CXXC5: variants seen among roughly 807,000 people sequenced by gnomAD.
CXXC5 encodes the protein CXXC-type zinc finger protein 5.
Under a neutral mutation model 17.6 loss-of-function variants are expected in CXXC5, and 2 were observed. The ratio of observed to expected loss-of-function variants is 0.11; its 90% CI spans 0.05 to 0.36. The LOEUF (loss-of-function observed/expected upper bound fraction) is 0.36. CXXC5 is among the 10% of genes least tolerant of loss of function. The pLI is 1.00. For synonymous variants in CXXC5, 171 were observed against 193.0 expected, an observed-to-expected ratio of 0.89 and a Z score of 0.94; for missense variants, 343 against 458.3, an observed-to-expected ratio of 0.75 and a Z score of 2.30.
chr5:139,662,898 T>C (rs766267011), intron 1 of CXXC5, among the ~76,000 whole-genome samples: 1 of 152,222 alleles, frequency 6.6e-6, no homozygotes, highest in Non-Finnish European at 1.5e-5. Context: ...CCGCAGGACC[T>C]GAAGTAGATG....
chr5:139,670,207 C>T lies in CXXC5; in HGVS notation c.-160-10157C>T, dbSNP rs1045001505. Reference sequence around the variant, plus strand: ...CAGCCTCCCGCCTCTCGCCTGCCTCCCCCACGCCTCTGCAGGGAGGGCCTG... The same window carrying T: ...CAGCCTCCCGCCTCTCGCCTGCCTCTCCCACGCCTCTGCAGGGAGGGCCTG... On this transcript the variant is annotated intron_variant, in intron 1 of 2. Coordinates refer to ENST00000302517, the MANE Select transcript of CXXC5 (RefSeq NM_016463.9). This position sits in a 1 kb window ranked among gnomAD's most constrained non-coding sequence, Gnocchi z 4.2. Among the ~76,000 whole-genome samples, 9 of 152,232 alleles carry T rather than the reference C, an allele frequency of 5.9e-5. No homozygotes were observed. The highest frequency in any genetic ancestry group is 1.9e-4 in the African/African-American group (8 of 41,444).
intron 1 of CXXC5, among the ~76,000 whole-genome samples, chr5:139,652,163 C>CGTGTGTGTGT (rs1326798150): frequency 2.4e-4 from 34 of 139,896 alleles, no homozygotes; most frequent in Middle Eastern, 3.7e-3. Flanking sequence ...CGCGCGCGCG[C>CGTGTGTGTGT]GCGCGCGCGT....
intron 1 of CXXC5, chr5:139,651,280 G>T (rs1755161399): frequency 6.6e-6 from 1 of 152,298 alleles, no homozygotes; most frequent in Non-Finnish European, 1.5e-5. Flanking sequence ...CCCTGGCCAG[G>T]GCCTCCTATC....
chr5:139,678,080 A>G (rs1235521207), intron 1 of CXXC5, among the ~76,000 whole-genome samples: 2 of 152,128 alleles, frequency 1.3e-5, no homozygotes. Context: ...CCCACAAGAC[A>G]CCTGCCTTCT....
chr5:139,657,129 C>G (rs1755534542), intron 1 of CXXC5, among the ~76,000 whole-genome samples: 1 of 152,218 alleles, frequency 6.6e-6, no homozygotes. Context: ...CTGACTTTCA[C>G]TTTTTTTCAT....
At chr5:139,676,110 C>A in intron 1 of CXXC5, among the ~76,000 whole-genome samples, 1 of 151,096 alleles carries the variant, frequency 6.6e-6, no homozygotes, top group South Asian at 2.1e-4. Context: ...CCCCCACCTC[C>A]TCCTCGGTAC....
At position 139,659,298 on chromosome 5, in the gene CXXC5, A is replaced by G. The variant is rs1755654141; in HGVS notation, c.-161+10453A>G. Among the ~76,000 whole-genome samples, 3 of 152,166 alleles carry G rather than the reference A, an allele frequency of 2.0e-5. 1 individual carries two copies. Among genetic ancestry groups the G allele is most frequent in the Non-Finnish European group, 4.4e-5 (3 of 68,018 alleles). On this transcript the variant is annotated intron_variant, in intron 1 of 2. Transcript: ENST00000302517. Reference sequence around the variant, plus strand: ...AGCCGGCCAGTGAGGCGCGGTGTCCAGCGGAAAATCCCAGCTGTTGTCAGG... The same window carrying G: ...AGCCGGCCAGTGAGGCGCGGTGTCCGGCGGAAAATCCCAGCTGTTGTCAGG...
At chr5:139,678,378 G>GC (rs978165103) in intron 1 of CXXC5, among the ~76,000 whole-genome samples, 1 of 152,114 alleles carries the variant, frequency 6.6e-6, no homozygotes, top group African/African-American at 2.4e-5. Context: ...GACCTCTGAT[G>GC]CCCCCCAACC....
In CXXC5 at chr5:139,661,231, T is replaced by TGGGC. The variant is rs895894310; in HGVS notation, c.-161+12397_-161+12400dup. 1.3e-5 allele frequency among the ~76,000 whole-genome samples: 2 copies of TGGGC among 152,168 alleles called. No homozygotes were observed. Among genetic ancestry groups the TGGGC allele is most frequent in the African/African-American group, 2.4e-5 (1 of 41,440 alleles). ...ATCAGCCCAGCAGAGCAGGGTGAGC[T>TGGGC]GGGCGGGCGGGCGGCAGGATTAGCT... On this transcript the variant is annotated intron_variant, in intron 1 of 2. Transcript: ENST00000302517. This position sits in a 1 kb window ranked among gnomAD's most constrained non-coding sequence, Gnocchi z 4.7.
chr5:139,660,722 G>C (rs534400089), intron 1 of CXXC5, among the ~76,000 whole-genome samples: 4 of 151,088 alleles, frequency 2.6e-5, no homozygotes, highest in African/African-American at 9.7e-5. Context: ...GTGAACATGG[G>C]GGGGTTTGCT....
intron 1 of CXXC5, among the ~76,000 whole-genome samples, chr5:139,679,477 C>G (rs942940015): frequency 2.0e-5 from 3 of 152,124 alleles, no homozygotes; most frequent in Non-Finnish European, 2.9e-5. Context: ...CATTGGCAAA[C>G]TGGGTTACAC....
At chr5:139,657,485 G>A (rs1240791895) in intron 1 of CXXC5, among the ~76,000 whole-genome samples, 1 of 152,248 alleles carries the variant, frequency 6.6e-6, no homozygotes, top group African/African-American at 2.4e-5. Flanking sequence ...ATGAATGACT[G>A]GATGACTGGT....
At chr5:139,650,304 G>A (rs1218858312) in intron 1 of CXXC5, among the ~76,000 whole-genome samples, 1 of 152,110 alleles carries the variant, frequency 6.6e-6, no homozygotes, top group Admixed American at 6.5e-5. Context: ...GATGGGGGGG[G>A]AGCTAAGGGG....
intron 1 of CXXC5, among the ~76,000 whole-genome samples, chr5:139,674,624 A>C (rs1305301678): frequency 6.6e-6 from 1 of 152,210 alleles, no homozygotes; most frequent in Non-Finnish European, 1.5e-5. Context: ...TGGTTGCACA[A>C]CTTTGTTGAT....
rs1451442406 is a variant in CXXC5 at position 139,670,157 on chromosome 5, C to T, written c.-160-10207C>T. Among the ~76,000 whole-genome samples the T allele has an allele frequency of 2.6e-5, 4 of 152,290 alleles. No homozygotes were observed. Among genetic ancestry groups the T allele is most frequent in the East Asian group, 3.9e-4 (2 of 5,184 alleles). On this transcript the variant is annotated intron_variant, in intron 1 of 2. Transcript: ENST00000302517. This position sits in a 1 kb window ranked among gnomAD's most constrained non-coding sequence, Gnocchi z 4.2. ...TCATTATTTTTGTGTTCCGGGGCTGCGGCGACACCTCCCTCCCTCCTCCTC... is the reference window on the plus strand; with the variant it reads ...TCATTATTTTTGTGTTCCGGGGCTGTGGCGACACCTCCCTCCCTCCTCCTC...
intron 1 of CXXC5, among the ~76,000 whole-genome samples, chr5:139,676,844 C>T (rs1195207496): frequency 6.6e-6 from 1 of 151,854 alleles, no homozygotes; most frequent in Non-Finnish European, 1.5e-5. Context: ...AACCTTGACC[C>T]TCTGCCCCTT....
At chr5:139,661,000 A>G (rs1295251051) in intron 1 of CXXC5, among the ~76,000 whole-genome samples, 1 of 152,046 alleles carries the variant, frequency 6.6e-6, no homozygotes, top group Non-Finnish European at 1.5e-5. Context: ...TGAAACAGGA[A>G]CCCCGGAGCT....
At chr5:139,682,318 C>T (rs891817857) in intron 2 of CXXC5, among the ~76,000 whole-genome samples, 1 of 118,760 alleles carries the variant, frequency 8.4e-6, no homozygotes, top group African/African-American at 3.6e-5. Context: ...TGGTTACCCT[C>T]CCCCAACCCC....
chr5:139,660,643 C>T (rs1056740848), intron 1 of CXXC5, among the ~76,000 whole-genome samples: 1 of 151,956 alleles, frequency 6.6e-6, no homozygotes, highest in African/African-American at 2.4e-5. Flanking sequence ...GATACGCTGC[C>T]CCAAGGTCAC....
Sources: gnomAD v4.1 joint callset for allele counts (sites outside exome capture counted in the v4.1 genomes callset) on GRCh38, gnomAD v4.1.1 for gene constraint, Gnocchi (gnomAD v3.1) non-coding constraint, MANE v1.5 for transcripts, NCBI Gene and HGNC (gene_info 2026-07-23, HGNC 2026-07-21) for gene names.